Variants in COL22A1 observed in about 807,000 individuals in gnomAD.
COL22A1 encodes the protein collagen type XXII alpha 1 chain.
Under a neutral mutation model 248.9 loss-of-function variants are expected in COL22A1, and 221 were observed. The ratio of observed to expected loss-of-function variants is 0.89; its 90% confidence interval spans 0.80 to 0.99. The LOEUF is 0.99. Among genes scored for constraint, COL22A1 ranks in the 50% least tolerant of loss-of-function variants. COL22A1 has a pLI of 0.00. For missense variants in COL22A1, 2,240 were observed against 2,179.0 expected (o/e 1.03, Z -0.56); for synonymous variants, 891 against 793.4 (o/e 1.12, Z -2.07).
intron 37 of COL22A1, 141 bp from the exon 38 acceptor site, chr8:138,685,453 A>C: frequency 1.4e-6 from 1 of 714,950 alleles, no homozygotes; most frequent in Non-Finnish European, 2.4e-6. Context: ...TGGGACACAG[A>C]AAGATGGACT....
At chr8:138,793,544 A>C (rs978424622) in intron 12 of COL22A1, among the ~76,000 whole-genome samples, 30 of 152,220 alleles carry the variant, frequency 2.0e-4, no homozygotes, top group Admixed American at 1.6e-3. Context: ...CTAGACTCAG[A>C]CTTTGCTAAA....
At position 138,646,698 on chromosome 8, in the gene COL22A1, A is replaced by C; in HGVS notation, c.3448-16T>G. The C allele has an allele frequency of 6.5e-7, 1 of 1,542,668 alleles. No individual in the cohort carries two copies. Among genetic ancestry groups the C allele is most frequent in the Non-Finnish European group, 8.8e-7 (1 of 1,140,950 alleles). On this transcript the variant is annotated splice_polypyrimidine_tract_variant and intron_variant, in intron 46 of 64. Transcript: ENST00000303045. ...CAGCCTCTCCCTGTATCAGGGATAC[A>C]AGAAAAAAAAAGAAAACAAGAATGA... is the stretch of plus-strand genomic sequence containing the variant.
chr8:138,735,300 T>G (rs1308669575), intron 23 of COL22A1, among the ~76,000 whole-genome samples: 1 of 152,212 alleles, frequency 6.6e-6, no homozygotes, highest in Non-Finnish European at 1.5e-5. Flanking sequence ...TGGTACATAC[T>G]GCAAATGCTA....
intron 44 of COL22A1, among the ~76,000 whole-genome samples, chr8:138,657,308 G>T (rs1171820540): frequency 6.6e-6 from 1 of 152,206 alleles, no homozygotes; most frequent in Non-Finnish European, 1.5e-5. Context: ...TTATTTTCAG[G>T]CCGTATATGT....
At chr8:138,802,456 G>A (rs1305313075) in intron 11 of COL22A1, among the ~76,000 whole-genome samples, 1 of 151,904 alleles carries the variant, frequency 6.6e-6, no homozygotes, top group Admixed American at 6.6e-5. Context: ...AGACACAGTT[G>A]AGTAGGAATG....
At chr8:138,624,035 C>CATT (rs979328890) in intron 51 of COL22A1, among the ~76,000 whole-genome samples, 67 of 152,080 alleles carry the variant, frequency 4.4e-4, no homozygotes, top group Non-Finnish European at 8.7e-4. Flanking sequence ...TTTGTAATAG[C>CATT]ATTATTATTA....
In COL22A1 at chr8:138,787,642, T is replaced by C. The variant is rs190834655; in HGVS notation, c.1597-6662A>G. Reference sequence around the variant, plus strand: ...CAGGATATAAGAGAATGACAATGGATGAGATTCACTGCAGAAGACAACCAA... The same window carrying C: ...CAGGATATAAGAGAATGACAATGGACGAGATTCACTGCAGAAGACAACCAA... On this transcript the variant is annotated intron_variant, in intron 12 of 64. Transcript: ENST00000303045. Among the ~76,000 whole-genome samples, 897 of 152,248 alleles carry C rather than the reference T, an allele frequency of 5.9e-3. 6 individuals carry two copies. The highest frequency in any genetic ancestry group is 9.2e-3 in the Non-Finnish European group (624 of 68,024).
chr8:138,615,966 C>G (rs772752354), intron 55 of COL22A1, 35 bp downstream of exon 55: 5 of 1,575,382 alleles, frequency 3.2e-6, no homozygotes, highest in Non-Finnish European at 4.4e-6. Flanking sequence ...CACCCCCAGC[C>G]CCAGCCCAGC....
At chr8:138,594,988 G>C (rs1252109365) in intron 62 of COL22A1, among the ~76,000 whole-genome samples, 1 of 152,152 alleles carries the variant, frequency 6.6e-6, no homozygotes, top group Admixed American at 6.5e-5. Flanking sequence ...CTTTCAATGG[G>C]ACAGGGGATA....
At chr8:138,835,913 G>C (rs1389367909) in intron 4 of COL22A1, among the ~76,000 whole-genome samples, 1 of 152,184 alleles carries the variant, frequency 6.6e-6, no homozygotes, top group South Asian at 2.1e-4. Context: ...CTCCCTGCCA[G>C]CTCTCAGGTA....
intron 7 of COL22A1, 49 bp downstream of exon 7, chr8:138,821,087 C>T (rs777206534): frequency 1.9e-6 from 3 of 1,593,528 alleles, no homozygotes; most frequent in South Asian, 2.3e-5. Context: ...CCCAAGGCTT[C>T]TCCCCGGTGG....
chr8:138,889,444 T>A (rs548091564), intron 1 of COL22A1, among the ~76,000 whole-genome samples: 1 of 152,178 alleles, frequency 6.6e-6, no homozygotes, highest in Non-Finnish European at 1.5e-5. Flanking sequence ...ATCATCATTC[T>A]CAGTAAACTA....
At chr8:138,710,607 C>CTATATATATAGA (rs1554597165) in intron 30 of COL22A1, among the ~76,000 whole-genome samples, 4 of 148,356 alleles carry the variant, frequency 2.7e-5, no homozygotes, top group South Asian at 2.1e-4. Context: ...ATCTATCTAT[C>CTATATATATAGA]TATATATATA....
chr8:138,884,743 G>T (rs753817231), intron 1 of COL22A1, among the ~76,000 whole-genome samples: 1 of 152,146 alleles, frequency 6.6e-6, no homozygotes, highest in African/African-American at 2.4e-5. Flanking sequence ...GCTAGGAGGG[G>T]TTAGCCAAAC....
intron 37 of COL22A1, 48 bp downstream of exon 37, chr8:138,688,869 G>T: frequency 6.6e-7 from 1 of 1,521,950 alleles, no homozygotes. Context: ...GTGCCTGTAA[G>T]AAGTTAAGGA....
chr8:138,665,091 C>T (rs1824378221), intron 41 of COL22A1, among the ~76,000 whole-genome samples: 1 of 152,098 alleles, frequency 6.6e-6, no homozygotes, highest in Non-Finnish European at 1.5e-5. Context: ...TAAATATGCC[C>T]CAGAGCTGTC....
chr8:138,899,073 C>T (rs1177896560), intron 1 of COL22A1, among the ~76,000 whole-genome samples: 2 of 152,166 alleles, frequency 1.3e-5, no homozygotes, highest in Non-Finnish European at 2.9e-5. Context: ...ACATCAATCC[C>T]ATATGTTACT....
chr8:138,629,782 C>CCTTTGCACATGCT lies in COL22A1; in HGVS notation c.3663+912_3663+913insAGCATGTGCAAAG, dbSNP rs1554724158. The stretch of plus-strand genomic sequence containing the variant: ...ACGAAGTCTTATTAAGTAATAATGC[C>CCTTTGCACATGCT]CTTTGCACAGAACTCCAGAGATACC... On this transcript the variant is annotated intron_variant, in intron 50 of 64. Coordinates refer to ENST00000303045, the MANE Select transcript of COL22A1 (RefSeq NM_152888.3). Among the ~76,000 whole-genome samples, 1,304 of 152,200 alleles carry CCTTTGCACATGCT rather than the reference C, an allele frequency of 8.6e-3. 18 individuals carry two copies. The highest frequency in any genetic ancestry group is 0.028 in the African/African-American group (1,151 of 41,544).
At chr8:138,596,882 G>A (rs774877967) in intron 62 of COL22A1, 22 bp downstream of exon 62, 32 of 1,611,084 alleles carry the variant, frequency 2.0e-5, no homozygotes, top group Non-Finnish European at 2.5e-5. Flanking sequence ...CTGCAAGACC[G>A]TAACACAGTC....
Sources: gnomAD v4.1 joint callset for allele counts (sites outside exome capture counted in the v4.1 genomes callset) on GRCh38, gnomAD v4.1.1 for gene constraint, MANE v1.5 for transcripts, NCBI Gene and HGNC (gene_info 2026-07-23, HGNC 2026-07-21) for gene names.